XPNPEP3: variants seen among roughly 807,000 people sequenced by gnomAD.
XPNPEP3 encodes the protein X-prolyl aminopeptidase 3.
A neutral mutation model predicts 60.0 loss-of-function variants in XPNPEP3; 41 were observed. The observed-to-expected ratio is 0.68, with a 90% CI of 0.53 to 0.89. XPNPEP3 has a LOEUF of 0.89. XPNPEP3 is among the 40% of genes least tolerant of loss of function. The pLI is 0.00. For missense variants in XPNPEP3, 598 were observed against 638.9 expected (o/e 0.94, Z 0.69); for synonymous variants, 212 against 223.2 (o/e 0.95, Z 0.45).
chr22:40,904,617 A>AT (rs2058147422), intron 4 of XPNPEP3, among the ~76,000 whole-genome samples: 1 of 152,180 alleles, frequency 6.6e-6, no homozygotes, highest in Middle Eastern at 3.2e-3. Flanking sequence ...TCAAAGCAAA[A>AT]TTAATAAAAA....
chr22:40,911,787 G>A (rs1277743856), intron 6 of XPNPEP3, among the ~76,000 whole-genome samples: 3 of 152,072 alleles, frequency 2.0e-5, no homozygotes, highest in African/African-American at 2.4e-5. Context: ...TGATCTGCCC[G>A]CCTTGGCCTC....
At chr22:40,890,710 TA>T (rs1251920923) in intron 4 of XPNPEP3, among the ~76,000 whole-genome samples, 1 of 151,122 alleles carries the variant, frequency 6.6e-6, no homozygotes, top group Non-Finnish European at 1.5e-5. Context: ...CTGCAAAATA[TA>T]AAAAAATTAG....
chr22:40,915,763 A>G (rs1219005872), intron 7 of XPNPEP3, among the ~76,000 whole-genome samples: 1 of 152,150 alleles, frequency 6.6e-6, no homozygotes, highest in Non-Finnish European at 1.5e-5. Flanking sequence ...CTGAGCCCCA[A>G]AATCTGCATA....
intron 7 of XPNPEP3, chr22:40,917,124 G>A (rs1288644369): frequency 6.6e-6 from 1 of 152,498 alleles, no homozygotes; most frequent in Non-Finnish European, 1.5e-5. Flanking sequence ...AAGCATAGTG[G>A]CATGCACCTA....
At chr22:40,900,726 T>A (rs1459931616) in intron 4 of XPNPEP3, among the ~76,000 whole-genome samples, 2 of 151,956 alleles carry the variant, frequency 1.3e-5, no homozygotes, top group Non-Finnish European at 2.9e-5. Context: ...CCCAGGAATT[T>A]GAGACCAGCC....
At chr22:40,924,316 T>G (rs1214484193) in intron 8 of XPNPEP3, 46 bp from the exon 9 acceptor site, 2 of 1,613,116 alleles carry the variant, frequency 1.2e-6, no homozygotes, top group Admixed American at 3.3e-5. Flanking sequence ...GCATTCCCTG[T>G]AAGAGGTCAT....
In XPNPEP3 at chr22:40,861,186, A is replaced by G. The variant is rs765109231; in HGVS notation, c.64+3941A>G. 3.7e-5 allele frequency: 59 copies of G among 1,613,976 alleles called. No homozygotes were observed. In the Admixed American group the frequency reaches 5.7e-4, roughly 16 times the overall value. On this transcript the variant is annotated intron_variant, in intron 1 of 9. Coordinates refer to ENST00000357137, the MANE Select transcript of XPNPEP3 (RefSeq NM_022098.4). ...ATCTCTGTTGCTGGTAACCCAAGAT[A>G]TACCTCCCTCATCATTGTCCACGAA...
intron 4 of XPNPEP3, among the ~76,000 whole-genome samples, chr22:40,898,379 G>C (rs1320714975): frequency 7.2e-6 from 1 of 138,704 alleles, no homozygotes; most frequent in Non-Finnish European, 1.5e-5. Flanking sequence ...TCAGCCTCCC[G>C]AGTAGCTGGG....
In XPNPEP3 at chr22:40,918,020, A is replaced by AG. The variant is rs1245069972; in HGVS notation, c.1055+3696_1055+3697insG. Among the ~76,000 whole-genome samples, 10 of 151,902 alleles carry AG rather than the reference A, an allele frequency of 6.6e-5. No homozygotes were observed. In the South Asian group the frequency reaches 1.0e-3, roughly 16 times the overall value. ...AGTGAGACTCTGTCTAAAAAAAAAA[A>AG]AAAAAAAAATCTGTAAATAACAGTA... On this transcript the variant is annotated intron_variant, in intron 7 of 9. Coordinates refer to ENST00000357137, the MANE Select transcript of XPNPEP3 (RefSeq NM_022098.4).
rs1284787459 is a variant in XPNPEP3 at position 40,928,225 on chromosome 22, C to CA, written c.*1791dup. 2 of 126,592 alleles carry CA rather than the reference C, an allele frequency of 1.6e-5. No individual in the cohort carries two copies. Among genetic ancestry groups the CA allele is most frequent in the African/African-American group, 5.9e-5 (2 of 34,022 alleles). 7.8% of individuals were successfully genotyped at this position (126,592 alleles called of 1,614,324 possible). On this transcript the variant is annotated 3_prime_UTR_variant, in exon 10 of 10. Coordinates refer to ENST00000357137, the MANE Select transcript of XPNPEP3 (RefSeq NM_022098.4). The stretch of plus-strand genomic sequence containing the variant: ...TCTTTTTTTTTTTTTTTTTTGGAGA[C>CA]AGAGTCTCGCTCTGTCGCCTGGGCT...
At position 40,910,724 on chromosome 22, in the gene XPNPEP3, G is replaced by A. The variant is rs5995964; in HGVS notation, c.969+1489G>A. On this transcript the variant is annotated intron_variant, in intron 6 of 9. Transcript: ENST00000357137. Reference sequence around the variant, plus strand: ...CTGTCTTTAAAAAAAATAAAATATAGGCCAGGCACAGTGGCTCACACCTGT... The same window carrying A: ...CTGTCTTTAAAAAAAATAAAATATAAGCCAGGCACAGTGGCTCACACCTGT... 6.6e-3 allele frequency among the ~76,000 whole-genome samples: 999 copies of A among 152,026 alleles called. 12 individuals are homozygous for A. The highest frequency in any genetic ancestry group is 0.023 in the African/African-American group (938 of 41,476).
Position 40,904,197 on chromosome 22 carries a change from G to A in XPNPEP3, c.793-3390G>A, listed in dbSNP as rs576051934. 4.6e-5 allele frequency among the ~76,000 whole-genome samples: 7 copies of A among 152,242 alleles called. No individual in the cohort carries two copies. In the South Asian group the frequency reaches 1.5e-3, roughly 32 times the overall value. On this transcript the variant is annotated intron_variant, in intron 4 of 9. Transcript: ENST00000357137. Reference sequence around the variant, plus strand: ...TTGATCTTTACTGGAAGGACATCAAGCATATAGTAAGGATAGGTAGCATTT... The same window carrying A: ...TTGATCTTTACTGGAAGGACATCAAACATATAGTAAGGATAGGTAGCATTT...
chr22:40,893,499 C>CT (rs930528639), intron 4 of XPNPEP3, among the ~76,000 whole-genome samples: 4 of 105,542 alleles, frequency 3.8e-5, no homozygotes, highest in Non-Finnish European at 7.1e-5. Context: ...GAGTGAAACT[C>CT]TATCTCAAAA....
intron 4 of XPNPEP3, among the ~76,000 whole-genome samples, chr22:40,888,123 T>C (rs1037638967): frequency 2.0e-5 from 3 of 152,142 alleles, no homozygotes; most frequent in African/African-American, 7.2e-5. Flanking sequence ...CCCAGTAACC[T>C]CTACTTTCTC....
At position 40,861,652 on chromosome 22, in the gene XPNPEP3, A is replaced by G. The variant is rs2057948178; in HGVS notation, c.64+4407A>G. 1.9e-6 allele frequency: 3 copies of G among 1,614,018 alleles called. No homozygotes were observed. The African/African-American group carries it at 4.0e-5, about 22-fold the overall frequency. ...GGACGATTTAACAGGTCCTCAAGCG[A>G]GTCTTCAAAGAAGTGAAAAGAAAAT... On this transcript the variant is annotated intron_variant, in intron 1 of 9. Coordinates refer to ENST00000357137, the MANE Select transcript of XPNPEP3 (RefSeq NM_022098.4).
intron 1 of XPNPEP3, chr22:40,860,925 A>G: frequency 1.2e-6 from 1 of 865,732 alleles, no homozygotes; most frequent in Non-Finnish European, 1.7e-6. Context: ...CCCATTCAAA[A>G]AAACTACTAA....
chr22:40,912,553 T>C (rs146396448), intron 6 of XPNPEP3, among the ~76,000 whole-genome samples: 96 of 152,260 alleles, frequency 6.3e-4, no homozygotes, highest in Middle Eastern at 6.8e-3. Context: ...TAAATCTCAT[T>C]AGATGGTTTC....
intron 7 of XPNPEP3, among the ~76,000 whole-genome samples, chr22:40,916,373 G>A (rs1285151606): frequency 6.6e-6 from 1 of 151,966 alleles, no homozygotes; most frequent in African/African-American, 2.4e-5. Flanking sequence ...TTATAGATAA[G>A]TTAAAGGAAG....
At chr22:40,859,856 A>G (rs1303244130) in intron 1 of XPNPEP3, 4 of 152,310 alleles carry the variant, frequency 2.6e-5, no homozygotes, top group African/African-American at 9.6e-5. Context: ...TTCTCCCAAC[A>G]TGACTAAATT....
Sources: allele counts gnomAD v4.1 joint callset (sites outside exome capture counted in the v4.1 genomes callset), GRCh38; gene constraint gnomAD v4.1.1; transcripts MANE v1.5; gene names NCBI Gene and HGNC (gene_info 2026-07-23, HGNC 2026-07-21).